Variants in STON1 observed in about 807,000 individuals in gnomAD.
STON1 encodes the protein stonin 1.
A neutral mutation model predicts 60.9 loss-of-function variants in STON1; 79 were observed. That is an observed-to-expected ratio of 1.30 (90% CI 1.08 to 1.56). The LOEUF is 1.56. Ranked by LOEUF, STON1 falls within the 40% of genes most tolerant of loss-of-function variation. The pLI is 0.00. For synonymous variants in STON1, 363 were observed against 306.9 expected (o/e 1.18, Z -1.91); for missense variants, 1,166 against 858.9 (o/e 1.36, Z -4.47).
At chr2:48,588,184 G>C (rs1259851214) in intron 2 of STON1, among the ~76,000 whole-genome samples, 1 of 152,210 alleles carries the variant, frequency 6.6e-6, no homozygotes, top group Non-Finnish European at 1.5e-5. Flanking sequence ...GTGCTGATGT[G>C]ACGCCAATGC....
chr2:48,538,763 ATTTTT>A (rs34052598), intron 1 of STON1, among the ~76,000 whole-genome samples: 25 of 86,372 alleles, frequency 2.9e-4, no homozygotes, highest in African/African-American at 1.1e-3. Flanking sequence ...ACACCCAGCT[ATTTTT>A]TTTTTTTTTT....
intron 1 of STON1, among the ~76,000 whole-genome samples, chr2:48,565,172 C>T (rs1238865332): frequency 3.3e-5 from 5 of 151,080 alleles, no homozygotes; most frequent in Non-Finnish European, 7.4e-5. Context: ...CCTGCCTCAG[C>T]CTCCCGAGTG....
chr2:48,588,855 G>A lies in STON1; in HGVS notation c.1931-2798G>A, dbSNP rs1307122264. ...AATGCTTAGTATTCCTTTGACAGTG[G>A]GCAGGTCTTTCATTTTGCAACAAAG... On this transcript the variant is annotated intron_variant, in intron 2 of 3. Transcript: ENST00000404752. Among the ~76,000 whole-genome samples, 4 of 152,048 alleles carry A rather than the reference G, an allele frequency of 2.6e-5. No homozygotes were observed. The East Asian group carries it at 7.7e-4, about 29-fold the overall frequency.
chr2:48,560,672 C>G (rs1672571752), intron 1 of STON1, among the ~76,000 whole-genome samples: 1 of 152,158 alleles, frequency 6.6e-6, no homozygotes, highest in Admixed American at 6.5e-5. Flanking sequence ...GCTAGGGCTG[C>G]CAGAAACCAG....
chr2:48,584,786 C>T (rs950033181), intron 2 of STON1, among the ~76,000 whole-genome samples: 5 of 152,172 alleles, frequency 3.3e-5, no homozygotes, highest in African/African-American at 1.2e-4. Context: ...GAACAAGCCC[C>T]AGACTACAAT....
In STON1 at chr2:48,546,923, A is replaced by G. The variant is rs550972953; in HGVS notation, c.-48+16707A>G. Reference sequence around the variant, plus strand: ...ACATTGCATGAACACACACCAAGACATAGATCCCAATGGGCAGCTTACTTC... The same window carrying G: ...ACATTGCATGAACACACACCAAGACGTAGATCCCAATGGGCAGCTTACTTC... On this transcript the variant is annotated intron_variant, in intron 1 of 3. Coordinates refer to ENST00000404752, the MANE Select transcript of STON1 (RefSeq NM_006873.4). 6.6e-5 allele frequency among the ~76,000 whole-genome samples: 10 copies of G among 152,218 alleles called. No homozygotes were observed. In the South Asian group the frequency reaches 1.9e-3, roughly 28 times the overall value.
Position 48,581,571 on chromosome 2 carries a change from A to G in STON1, c.938A>G (p.Gln313Arg), listed in dbSNP as rs1435295765. The G allele has an allele frequency of 1.9e-6, 3 of 1,614,240 alleles. No homozygotes were observed. Among genetic ancestry groups the G allele is most frequent in the Middle Eastern group, 1.6e-4 (1 of 6,062 alleles). The part of the protein sequence containing the change: ...PGGILQMYYE[Q>R]GLEKPFKEIQ... ...GGAATTTTGCAGATGTATTATGAACAGGGATTAGAAAAACCATTTAAAGAG... is the reference window on the plus strand; with the variant it reads ...GGAATTTTGCAGATGTATTATGAACGGGGATTAGAAAAACCATTTAAAGAG... Residue 313 changes from glutamine (Q) to arginine (R), a missense_variant, in exon 2 of 4, where the codon CAG (glutamine) becomes CGG (arginine). Coordinates refer to ENST00000404752, the MANE Select transcript of STON1 (RefSeq NM_006873.4).
intron 1 of STON1, among the ~76,000 whole-genome samples, chr2:48,562,006 G>A (rs1485742211): frequency 4.6e-5 from 7 of 152,038 alleles, no homozygotes; most frequent in Non-Finnish European, 1.0e-4. Context: ...GATTACAGGC[G>A]TGCGCCACCA....
At chr2:48,572,461 A>C (rs75011510) in intron 1 of STON1, among the ~76,000 whole-genome samples, 10,099 of 152,238 alleles carry the variant, frequency 0.066, 474 homozygotes, top group Non-Finnish European at 0.1. Context: ...TCTGGGTTTC[A>C]AGGTAGGAGA....
rs1673851696 is a variant in STON1 at position 48,581,065 on chromosome 2, T to A, written c.432T>A (p.His144Gln). 2 of 1,596,484 alleles carry A rather than the reference T, an allele frequency of 1.3e-6. No individual in the cohort carries two copies. The highest frequency in any genetic ancestry group is 1.7e-6 in the Non-Finnish European group (2 of 1,173,230). The change falls in exon 2 of 4, where the codon CAT becomes CAA. Residue 144 changes from histidine to glutamine, a missense_variant. Transcript: ENST00000404752. Reference protein sequence around the residue: ...ALLPSDHSCTHPTPKVGLPDE... With the variant: ...ALLPSDHSCTQPTPKVGLPDE... ...TACCCAGTGACCACTCATGTACACA[T>A]CCAACTCCCAAAGTAGGTCTTCCAG...
intron 2 of STON1, among the ~76,000 whole-genome samples, chr2:48,585,987 C>G (rs1232921504): frequency 6.6e-6 from 1 of 152,242 alleles, no homozygotes. Flanking sequence ...GTGAGAGGGA[C>G]AAGAGCACAG....
At chr2:48,551,458 C>T (rs1371833078) in intron 1 of STON1, among the ~76,000 whole-genome samples, 1 of 152,228 alleles carries the variant, frequency 6.6e-6, no homozygotes, top group African/African-American at 2.4e-5. Context: ...CTGCCCCTGG[C>T]CTTGTCTTGT....
Position 48,595,225 on chromosome 2 carries a change from C to T in STON1, c.2134-3C>T, listed in dbSNP as rs1295359491. On this transcript the variant is annotated splice_region_variant and splice_polypyrimidine_tract_variant and intron_variant, in intron 3 of 3. Coordinates refer to ENST00000404752, the MANE Select transcript of STON1 (RefSeq NM_006873.4). ...CTGCCTGTGTTTTGCTTTTGCATAA[C>T]AGGTTGAAATAGAAAAGAAGTGGAT... 7 of 1,612,934 alleles carry T rather than the reference C, an allele frequency of 4.3e-6. No individual in the cohort carries two copies. The highest frequency in any genetic ancestry group is 1.3e-5 in the African/African-American group (1 of 74,874).
At chr2:48,586,416 C>A (rs1270569195) in intron 2 of STON1, among the ~76,000 whole-genome samples, 1 of 152,190 alleles carries the variant, frequency 6.6e-6, no homozygotes, top group Non-Finnish European at 1.5e-5. Flanking sequence ...AGCAGCTACC[C>A]AAATGCACTG....
At chr2:48,561,122 C>T (rs1348977560) in intron 1 of STON1, among the ~76,000 whole-genome samples, 1 of 152,224 alleles carries the variant, frequency 6.6e-6, no homozygotes, top group Non-Finnish European at 1.5e-5. Flanking sequence ...CCACTCTCTA[C>T]CTCTAGCCCT....
chr2:48,568,915 C>T (rs1673063406), intron 1 of STON1: 1 of 152,240 alleles, frequency 6.6e-6, no homozygotes, highest in African/African-American at 2.4e-5. Flanking sequence ...GGTGGCTCTA[C>T]CCTGGTGCTA....
intron 1 of STON1, among the ~76,000 whole-genome samples, chr2:48,562,451 T>A (rs1040185880): frequency 6.6e-6 from 1 of 152,212 alleles, no homozygotes; most frequent in African/African-American, 2.4e-5. Flanking sequence ...CCCATACTTG[T>A]GACAAGCATT....
chr2:48,541,699 C>CA (rs71399061), intron 1 of STON1, among the ~76,000 whole-genome samples: 1,633 of 59,636 alleles, frequency 0.027, 16 homozygotes, highest in East Asian at 0.042. Context: ...AACTTCGTCT[C>CA]AAAAAAAAAA....
At chr2:48,570,672 T>G (rs1349593934) in intron 1 of STON1, among the ~76,000 whole-genome samples, 1 of 151,766 alleles carries the variant, frequency 6.6e-6, no homozygotes, top group African/African-American at 2.4e-5. Flanking sequence ...TTGAGTTCAG[T>G]GCTTTGAAAA....
Sources: allele counts gnomAD v4.1 joint callset (sites outside exome capture counted in the v4.1 genomes callset), GRCh38; gene constraint gnomAD v4.1.1; transcripts MANE v1.5; gene names NCBI Gene and HGNC (gene_info 2026-07-23, HGNC 2026-07-21).